NTRK3: variants seen among roughly 807,000 people sequenced by gnomAD.
The protein encoded by NTRK3 is neurotrophic receptor tyrosine kinase 3.
A neutral mutation model predicts 91.7 loss-of-function variants in NTRK3; 24 were observed. The observed-to-expected ratio is 0.26, with a 90% CI of 0.19 to 0.37. The LOEUF (loss-of-function observed/expected upper bound fraction) is 0.37. Ranked by LOEUF, NTRK3 falls within the 10% of genes least tolerant of loss-of-function variation. The probability of loss-of-function intolerance (pLI) is 1.00; values close to 1 mark genes in which losing one functional copy is unlikely to be tolerated. For synonymous variants in NTRK3, 483 were observed against 404.0 expected, an observed-to-expected ratio of 1.20 and a Z score of -2.34; for missense variants, 880 against 1,068.9, an observed-to-expected ratio of 0.82 and a Z score of 2.46.
chr15:88,065,828 C>G (rs537271085), intron 13 of NTRK3, among the ~76,000 whole-genome samples: 1 of 152,238 alleles, frequency 6.6e-6, no homozygotes, highest in Non-Finnish European at 1.5e-5. Flanking sequence ...AGTGTTAGTA[C>G]CTGTTGAGTT....
Position 88,145,851 on chromosome 15 carries a change from G to GT in NTRK3, c.464+1483dup, listed in dbSNP as rs11290780. Among the ~76,000 whole-genome samples the GT allele has an allele frequency of 7.2e-5, 11 of 151,728 alleles. No homozygotes were observed. The East Asian group carries it at 2.1e-3, about 30-fold the overall frequency. ...AACTTAAGAAAGACCACAATCATGT[G>GT]TTTTTTTTAAAATTATGGTAGAATA... On this transcript the variant is annotated intron_variant, in intron 6 of 18. Transcript: ENST00000394480.
chr15:88,073,410 G>C (rs961215425), intron 13 of NTRK3, among the ~76,000 whole-genome samples: 1 of 152,176 alleles, frequency 6.6e-6, no homozygotes, highest in Non-Finnish European at 1.5e-5. Context: ...CTCCCAGCTT[G>C]TTACTGATAT....
At chr15:88,136,381 C>G in intron 8 of NTRK3, 86 bp downstream of exon 8, 4 of 1,574,004 alleles carry the variant, frequency 2.5e-6, no homozygotes, top group African/African-American at 1.3e-5. Flanking sequence ...CCTATAGTAA[C>G]AAGACCGCAA....
At chr15:88,251,637 G>A (rs909497240) in intron 3 of NTRK3, among the ~76,000 whole-genome samples, 5 of 152,260 alleles carry the variant, frequency 3.3e-5, no homozygotes, top group African/African-American at 1.2e-4. Context: ...GAGGGCCTCA[G>A]GCTACCCACA....
intron 3 of NTRK3, among the ~76,000 whole-genome samples, chr15:88,185,342 C>T (rs1002660094): frequency 6.6e-6 from 1 of 152,200 alleles, no homozygotes; most frequent in Admixed American, 6.5e-5. Flanking sequence ...ATTCTGTCAG[C>T]ATGAGAAGGC....
intron 10 of NTRK3, among the ~76,000 whole-genome samples, chr15:88,132,356 T>C (rs1343906632): frequency 6.6e-6 from 1 of 152,228 alleles, no homozygotes; most frequent in East Asian, 1.9e-4. Context: ...AGTCTCATGG[T>C]AGCTTAGATG....
rs1400841498 is a variant in NTRK3 at position 87,877,194 on chromosome 15, A to G, written c.2293-74T>C. 2.6e-5 allele frequency: 38 copies of G among 1,484,208 alleles called. 1 individual carries two copies. In the South Asian group the frequency reaches 4.2e-4, roughly 16 times the overall value. The allele number at this position is 1,484,208 out of a possible 1,614,324, so 91.9% of individuals were successfully genotyped here. ...GTCCTGTGGCTCAGACTCGGCAAAAAGCAACAACTTCCCGGATTAGTTTCT... is the reference window on the plus strand; with the variant it reads ...GTCCTGTGGCTCAGACTCGGCAAAAGGCAACAACTTCCCGGATTAGTTTCT... On this transcript the variant is annotated intron_variant, in intron 18 of 18. Transcript: ENST00000394480.
chr15:88,005,186 T>C lies in NTRK3; in HGVS notation c.1585+27671A>G, dbSNP rs16941129. On this transcript the variant is annotated intron_variant, in intron 14 of 18. Transcript: ENST00000394480. ...CACTGTTCTTCCCTGATTGATGCTT[T>C]CTGGACACACCCTGGTGCTGCCAGA... Among the ~76,000 whole-genome samples, 249 of 152,316 alleles carry C rather than the reference T, an allele frequency of 1.6e-3. 2 individuals are homozygous for C. The highest frequency in any genetic ancestry group is 4.8e-3 in the African/African-American group (201 of 41,580).
chr15:88,094,475 C>CAAAAA (rs10610101), intron 13 of NTRK3, among the ~76,000 whole-genome samples: 5 of 30,324 alleles, frequency 1.6e-4, no homozygotes, highest in Non-Finnish European at 2.2e-4. Context: ...GACTCCGTCT[C>CAAAAA]AAAAAAAAAA....
intron 3 of NTRK3, among the ~76,000 whole-genome samples, chr15:88,202,046 A>T (rs1219437050): frequency 2.6e-5 from 4 of 151,872 alleles, no homozygotes; most frequent in Admixed American, 2.0e-4. Context: ...AAATGTGAAG[A>T]TCTATTTTCC....
Position 88,043,281 on chromosome 15 carries a change from C to A in NTRK3, c.1397-10236G>T, listed in dbSNP as rs527457437. On this transcript the variant is annotated intron_variant, in intron 13 of 18. Coordinates refer to ENST00000394480, the Ensembl canonical transcript of NTRK3. The stretch of plus-strand genomic sequence containing the variant: ...GAAGTGAGTAGTTACCTTCTGATTG[C>A]ACGTATAAGGTGACTGGAATACAAA... 1.2e-3 allele frequency among the ~76,000 whole-genome samples: 184 copies of A among 152,324 alleles called. 7 individuals are homozygous for A. In the South Asian group the frequency reaches 0.037, roughly 31 times the overall value.
At chr15:88,087,675 G>T (rs2048630684) in intron 13 of NTRK3, among the ~76,000 whole-genome samples, 3 of 152,206 alleles carry the variant, frequency 2.0e-5, no homozygotes, top group African/African-American at 7.2e-5. Context: ...CAGCACCAGA[G>T]CCCCAGAGAT....
rs145743944 is a variant in NTRK3, at chr15:88,183,105, G to A, written c.395+313C>T. Among the ~76,000 whole-genome samples the A allele has an allele frequency of 4.6e-3, 650 of 141,644 alleles. 5 individuals carry two copies. The highest frequency in any genetic ancestry group is 0.016 in the African/African-American group (602 of 38,234). 92.9% of individuals were successfully genotyped at this position (141,644 alleles called of 152,430 possible). Reference sequence around the variant, plus strand: ...AGTATAGTATTCACATTACATATGAGTGGAATTCCCTATCATTTACGTTCC... The same window carrying A: ...AGTATAGTATTCACATTACATATGAATGGAATTCCCTATCATTTACGTTCC... On this transcript the variant is annotated intron_variant, in intron 5 of 18. Transcript: ENST00000394480.
At chr15:88,092,844 TG>T (rs1188193986) in intron 13 of NTRK3, among the ~76,000 whole-genome samples, 1 of 152,222 alleles carries the variant, frequency 6.6e-6, no homozygotes, top group Non-Finnish European at 1.5e-5. Context: ...GCCTTCTCTG[TG>T]CATGTTCAAA....
In NTRK3 at chr15:88,066,615, G is replaced by C. The variant is rs111666231; in HGVS notation, c.1397-33570C>G. 1.8e-3 allele frequency among the ~76,000 whole-genome samples: 275 copies of C among 152,284 alleles called. 2 individuals carry two copies. Among genetic ancestry groups the C allele is most frequent in the African/African-American group, 6.0e-3 (250 of 41,554 alleles). On this transcript the variant is annotated intron_variant, in intron 13 of 18. Coordinates refer to ENST00000394480, the Ensembl canonical transcript of NTRK3. ...GAAGAGAAGAACAGAGACAAGGGAG[G>C]GGAGAAGCACATATGAGTGAGTGCC...
chr15:87,877,084 G>T (rs773244598), exon 19 of NTRK3: 1 of 1,614,042 alleles, frequency 6.2e-7, no homozygotes, highest in Non-Finnish European at 8.5e-7. Context: ...ACTCGGGGCC[G>T]CTCCAAAACA....
At chr15:88,219,757 C>T (rs997165529) in intron 3 of NTRK3, among the ~76,000 whole-genome samples, 20 of 152,330 alleles carry the variant, frequency 1.3e-4, no homozygotes, top group Admixed American at 8.5e-4. Context: ...ATGCCTAACA[C>T]GCACTGAGCA....
chr15:88,067,528 A>C (rs927751531), intron 13 of NTRK3, among the ~76,000 whole-genome samples: 1 of 152,170 alleles, frequency 6.6e-6, no homozygotes, highest in African/African-American at 2.4e-5. Flanking sequence ...GTGATTCTAC[A>C]CGTGCTCAGC....
intron 13 of NTRK3, among the ~76,000 whole-genome samples, chr15:88,064,993 G>A (rs1345120702): frequency 6.6e-6 from 1 of 152,140 alleles, no homozygotes; most frequent in African/African-American, 2.4e-5. Context: ...TCATTTGCAG[G>A]TACATAACAT....
Sources: gnomAD v4.1 joint callset for allele counts (sites outside exome capture counted in the v4.1 genomes callset) on GRCh38, gnomAD v4.1.1 for gene constraint, MANE v1.5 for transcripts, NCBI Gene and HGNC (gene_info 2026-07-23, HGNC 2026-07-21) for gene names.